The following KALRN variants were observed in gnomAD, a reference collection of about 807,000 sequenced individuals.
KALRN encodes kalirin.
A neutral mutation model predicts 353.7 loss-of-function variants in KALRN; 70 were observed. The ratio of observed to expected loss-of-function variants is 0.20; its 90% CI spans 0.16 to 0.24. The LOEUF is 0.24. Ranked by LOEUF, KALRN falls within the 10% of genes least tolerant of loss-of-function variation. The pLI is 1.00. For synonymous variants in KALRN, 1,391 were observed against 1,434.8 expected (o/e 0.97, Z 0.69); for missense variants, 2,791 against 3,756.7 (o/e 0.74, Z 6.72).
intron 1 of KALRN, among the ~76,000 whole-genome samples, chr3:124,091,935 G>T (rs2061142510): frequency 6.6e-6 from 1 of 152,148 alleles, no homozygotes; most frequent in Non-Finnish European, 1.5e-5. Context: ...CTTCTGGAGG[G>T]GCTGCATTTC....
At chr3:124,440,334 T>G (rs897878657) in intron 18 of KALRN, among the ~76,000 whole-genome samples, 2 of 152,170 alleles carry the variant, frequency 1.3e-5, no homozygotes, top group African/African-American at 4.8e-5. Context: ...AACCCTCTGG[T>G]CTGATGTTTT....
chr3:124,291,184 T>G (rs926252467), intron 5 of KALRN, among the ~76,000 whole-genome samples: 6 of 152,198 alleles, frequency 3.9e-5, no homozygotes, highest in African/African-American at 1.4e-4. Context: ...CTGCCATGGC[T>G]TATAAACTCC....
intron 47 of KALRN, among the ~76,000 whole-genome samples, chr3:124,669,404 A>AT (rs1429125740): frequency 6.6e-6 from 1 of 152,218 alleles, no homozygotes; most frequent in Non-Finnish European, 1.5e-5. Context: ...GAATTAAGTT[A>AT]TGCAAATGGA....
At chr3:124,273,078 C>T (rs182492403) in intron 5 of KALRN, among the ~76,000 whole-genome samples, 50 of 152,352 alleles carry the variant, frequency 3.3e-4, no homozygotes, top group Admixed American at 2.7e-3. Flanking sequence ...GGCGCAGTCT[C>T]GCCCCTGGCC....
chr3:124,575,520 T>C (rs946279202), intron 34 of KALRN, among the ~76,000 whole-genome samples: 3 of 152,228 alleles, frequency 2.0e-5, no homozygotes, highest in Non-Finnish European at 4.4e-5. Context: ...CAAATTACCA[T>C]GAACATGGTG....
In KALRN at chr3:124,614,860, T is replaced by C. The variant is rs142070822; in HGVS notation, c.5183-17560T>C. On this transcript the variant is annotated intron_variant, in intron 34 of 59. Transcript: ENST00000682506. The stretch of plus-strand genomic sequence containing the variant: ...ATGTTGAGATTACTGGCATGAGCCA[T>C]CACACCCAGCTAACCACCTTCATTA... 9.2e-3 allele frequency among the ~76,000 whole-genome samples: 1,406 copies of C among 152,300 alleles called. 23 individuals are homozygous for C. The highest frequency in any genetic ancestry group is 0.032 in the African/African-American group (1,324 of 41,572).
intron 10 of KALRN, among the ~76,000 whole-genome samples, chr3:124,350,010 C>G (rs28576387): frequency 0.34 from 51,088 of 152,088 alleles, 9,279 homozygotes; most frequent in Middle Eastern, 0.47. Context: ...CTGTCCTATG[C>G]CTCAGCATTC....
chr3:124,354,904 A>G (rs1319384395), intron 10 of KALRN, among the ~76,000 whole-genome samples: 1 of 152,202 alleles, frequency 6.6e-6, no homozygotes, highest in Non-Finnish European at 1.5e-5. Context: ...CAAAATGAAG[A>G]TAAGAGGAAC....
In KALRN at chr3:124,720,828, A is replaced by C. The variant is rs2063341217; in HGVS notation, c.*1358A>C. 1 of 151,888 alleles carries C rather than the reference A, an allele frequency of 6.6e-6. No homozygotes were observed. Among genetic ancestry groups the C allele is most frequent in the Non-Finnish European group, 1.5e-5 (1 of 67,966 alleles). 9.4% of individuals were successfully genotyped at this position (151,888 alleles called of 1,614,324 possible). Reference sequence around the variant, plus strand: ...GGCATTTCATGGGTTTTCTTTCTTTATTTTTGTTCATTTGTTTTGGAGGGA... The same window carrying C: ...GGCATTTCATGGGTTTTCTTTCTTTCTTTTTGTTCATTTGTTTTGGAGGGA... On this transcript the variant is annotated 3_prime_UTR_variant, in exon 60 of 60. Transcript: ENST00000682506.
chr3:124,561,063 T>C (rs2071940674), intron 33 of KALRN, among the ~76,000 whole-genome samples: 1 of 152,212 alleles, frequency 6.6e-6, no homozygotes, highest in Admixed American at 6.5e-5. Context: ...TCCTGATGTA[T>C]GAGATGGAGA....
intron 33 of KALRN, among the ~76,000 whole-genome samples, chr3:124,555,081 C>A (rs2071050416): frequency 6.6e-6 from 1 of 152,094 alleles, no homozygotes; most frequent in South Asian, 2.1e-4. Flanking sequence ...CCTGTTTTAG[C>A]CCCACCTGTA....
At chr3:124,070,188 A>T (rs562272916) in intron 1 of KALRN, among the ~76,000 whole-genome samples, 1 of 152,320 alleles carries the variant, frequency 6.6e-6, no homozygotes, top group South Asian at 2.1e-4. Context: ...TTATGGACAG[A>T]GACAACTGTT....
At chr3:124,593,199 C>A (rs1336240844) in intron 34 of KALRN, among the ~76,000 whole-genome samples, 1 of 152,044 alleles carries the variant, frequency 6.6e-6, no homozygotes, top group Non-Finnish European at 1.5e-5. Context: ...AAGGGGAAAC[C>A]AAGCCTTGTT....
chr3:124,399,186 T>C (rs2090548131), intron 13 of KALRN, among the ~76,000 whole-genome samples: 1 of 152,166 alleles, frequency 6.6e-6, no homozygotes, highest in Non-Finnish European at 1.5e-5. Flanking sequence ...TTGCCCAGGC[T>C]GAAGTGCATT....
At chr3:124,538,763 C>G (rs1359221176) in intron 33 of KALRN, among the ~76,000 whole-genome samples, 1 of 152,210 alleles carries the variant, frequency 6.6e-6, no homozygotes, top group East Asian at 1.9e-4. Flanking sequence ...ACCACACTCA[C>G]GCTGAGTCTT....
chr3:124,404,168 A>AAAAAAAAG (rs1203021726), intron 13 of KALRN, among the ~76,000 whole-genome samples: 2 of 148,912 alleles, frequency 1.3e-5, no homozygotes, highest in African/African-American at 4.9e-5. Context: ...AAAAAAAAAA[A>AAAAAAAAG]AGAGAGAACT....
At chr3:124,269,372 A>G (rs1420074485) in intron 5 of KALRN, 117 bp downstream of exon 5, 2 of 1,131,212 alleles carry the variant, frequency 1.8e-6, no homozygotes, top group South Asian at 3.2e-5. Flanking sequence ...CAGTGTGCCT[A>G]CTAGTTTTAG....
At chr3:124,102,709 A>G (rs927431334) in intron 1 of KALRN, among the ~76,000 whole-genome samples, 16 of 152,206 alleles carry the variant, frequency 1.1e-4, no homozygotes, top group Admixed American at 2.0e-4. Context: ...CCCTGAGGGC[A>G]AGCCCTTGTC....
rs114405707 is a variant in KALRN at position 124,149,678 on chromosome 3, G to A, written c.74-78312G>A. Among the ~76,000 whole-genome samples, 575 of 152,284 alleles carry A rather than the reference G, an allele frequency of 3.8e-3. 2 individuals are homozygous for A. The highest frequency in any genetic ancestry group is 0.013 in the African/African-American group (544 of 41,558). On this transcript the variant is annotated intron_variant, in intron 1 of 59. Transcript: ENST00000682506. ...GTCTCAGTTCTTTCACCAATGAAAA[G>A]GGGATAATACTAACCTTCTCTATTT...
Sources: gnomAD v4.1 joint callset for allele counts (sites outside exome capture counted in the v4.1 genomes callset) on GRCh38, gnomAD v4.1.1 for gene constraint, MANE v1.5 for transcripts, NCBI Gene and HGNC (gene_info 2026-07-23, HGNC 2026-07-21) for gene names.